The following TUNAR variants were observed in gnomAD, a reference collection of about 807,000 sequenced individuals.
TUNAR encodes the protein protein TUNAR.
chr14:95,893,366 A>G (rs934786643), intron 2 of TUNAR, among the ~76,000 whole-genome samples: 2 of 152,210 alleles, frequency 1.3e-5, no homozygotes, highest in Non-Finnish European at 2.9e-5. Flanking sequence ...CAGCAGACCC[A>G]AGAATACTGA....
At chr14:95,906,028 C>T (rs1317307856) in intron 2 of TUNAR, among the ~76,000 whole-genome samples, 3 of 152,154 alleles carry the variant, frequency 2.0e-5, no homozygotes, top group Admixed American at 2.0e-4. Context: ...GTGTTTTCAA[C>T]CAGCCCCTCC....
At chr14:95,876,509 A>G (rs1328998338) in exon 1 of TUNAR, 9 of 152,158 alleles carry the variant, frequency 5.9e-5, no homozygotes, top group Admixed American at 5.9e-4. Flanking sequence ...AGGGACCCCG[A>G]CGCCGCCAGC....
chr14:95,909,007 T>C (rs1889470188), intron 2 of TUNAR, among the ~76,000 whole-genome samples: 1 of 152,194 alleles, frequency 6.6e-6, no homozygotes. Context: ...ATCTCTGCTG[T>C]TGAAGCATCC....
At chr14:95,922,524 G>A (rs904019413) in intron 2 of TUNAR, among the ~76,000 whole-genome samples, 1 of 152,186 alleles carries the variant, frequency 6.6e-6, no homozygotes, top group Admixed American at 6.5e-5. Flanking sequence ...CAACAAAGTG[G>A]GTGATGCCCG....
At chr14:95,909,739 A>G (rs911562338) in intron 2 of TUNAR, among the ~76,000 whole-genome samples, 1 of 152,164 alleles carries the variant, frequency 6.6e-6, no homozygotes, top group Non-Finnish European at 1.5e-5. Flanking sequence ...GCCAGAGGAC[A>G]TGGAGGTGAA....
chr14:95,884,641 T>C (rs1212737406), intron 2 of TUNAR, among the ~76,000 whole-genome samples: 2 of 152,194 alleles, frequency 1.3e-5, no homozygotes, highest in Admixed American at 6.5e-5. Flanking sequence ...AGAACTTTTT[T>C]TCGAGGAAGT....
intron 2 of TUNAR, among the ~76,000 whole-genome samples, chr14:95,921,586 C>T (rs897745365): frequency 1.3e-5 from 2 of 152,156 alleles, no homozygotes; most frequent in African/African-American, 2.4e-5. Context: ...GGAAGATATG[C>T]CTGCAGTTTA....
intron 2 of TUNAR, among the ~76,000 whole-genome samples, chr14:95,888,243 G>A (rs1422885849): frequency 3.3e-5 from 5 of 152,136 alleles, no homozygotes; most frequent in African/African-American, 1.2e-4. Context: ...GGTGCTTACT[G>A]GGGTAGGGAC....
chr14:95,915,614 G>A (rs1229189526), intron 2 of TUNAR, among the ~76,000 whole-genome samples: 1 of 152,158 alleles, frequency 6.6e-6, no homozygotes, highest in Non-Finnish European at 1.5e-5. Context: ...CATGACCTCC[G>A]TGCCTTCTAG....
chr14:95,897,612 A>G (rs1889287593), intron 2 of TUNAR, among the ~76,000 whole-genome samples: 2 of 152,156 alleles, frequency 1.3e-5, no homozygotes, highest in Admixed American at 6.5e-5. Flanking sequence ...TGCTATAATT[A>G]TTGCTGCATC....
chr14:95,883,844 T>G (rs1055048214), intron 2 of TUNAR, among the ~76,000 whole-genome samples: 1 of 152,202 alleles, frequency 6.6e-6, no homozygotes, highest in African/African-American at 2.4e-5. Flanking sequence ...CTTATTAAAA[T>G]GCATATGGGT....
At chr14:95,923,405 C>T (rs540033402) in exon 3 of TUNAR, 1 of 155,056 alleles carries the variant, frequency 6.4e-6, no homozygotes, top group Admixed American at 6.5e-5. Flanking sequence ...AGTGGAAAAA[C>T]CACAGGCGCA....
intron 2 of TUNAR, among the ~76,000 whole-genome samples, chr14:95,877,499 T>G (rs1333132743): frequency 1.3e-5 from 2 of 152,166 alleles, no homozygotes; most frequent in Non-Finnish European, 2.9e-5. Flanking sequence ...TTAGTGGGTG[T>G]CCAGGCCGTG....
At chr14:95,877,967 C>CT (rs1888918102) in intron 2 of TUNAR, among the ~76,000 whole-genome samples, 1 of 152,238 alleles carries the variant, frequency 6.6e-6, no homozygotes, top group Non-Finnish European at 1.5e-5. Flanking sequence ...GTGGTTCCTC[C>CT]TGTGTGCCCA....
chr14:95,902,709 G>A (rs1889375475), intron 2 of TUNAR, among the ~76,000 whole-genome samples: 1 of 152,130 alleles, frequency 6.6e-6, no homozygotes, highest in Non-Finnish European at 1.5e-5. Context: ...GGACACTCTG[G>A]CCACATTGCT....
At position 95,892,614 on chromosome 14, in the gene TUNAR, G is replaced by A. The variant is rs150627862; in HGVS notation, c.12+15437G>A. The stretch of plus-strand genomic sequence containing the variant: ...TCTTTTTCCCCACCAGATGACAAGC[G>A]TCTCTAGGGCAGGGATGCCTGGCCA... On this transcript the variant is annotated intron_variant, in intron 2 of 2. Coordinates refer to ENST00000678517, the Ensembl canonical transcript of TUNAR. Among the ~76,000 whole-genome samples the A allele has an allele frequency of 3.9e-5, 6 of 152,326 alleles. 1 individual carries two copies. In the East Asian group the frequency reaches 1.2e-3, roughly 29 times the overall value.
chr14:95,923,079 AC>A, exon 3 of TUNAR: 1 of 397,812 alleles, frequency 2.5e-6, no homozygotes, highest in Non-Finnish European at 4.4e-6. Context: ...CGCACATACC[AC>A]CCAATCAAAT....
chr14:95,882,588 G>A (rs1035638447), intron 2 of TUNAR, among the ~76,000 whole-genome samples: 5 of 152,186 alleles, frequency 3.3e-5, no homozygotes, highest in African/African-American at 1.2e-4. Flanking sequence ...AAATGCCTTG[G>A]CAGACCTGCA....
chr14:95,878,720 G>A (rs1433993378), intron 2 of TUNAR, among the ~76,000 whole-genome samples: 1 of 152,200 alleles, frequency 6.6e-6, no homozygotes, highest in Non-Finnish European at 1.5e-5. Flanking sequence ...CTCGAGCTGT[G>A]CTTAATAGAT....
Sources: allele counts gnomAD v4.1 joint callset (sites outside exome capture counted in the v4.1 genomes callset), GRCh38; gene constraint gnomAD v4.1.1; transcripts MANE v1.5; gene names NCBI Gene and HGNC (gene_info 2026-07-23, HGNC 2026-07-21).